Variants in CACNA1G observed in about 807,000 individuals in gnomAD.
CACNA1G encodes voltage-dependent T-type calcium channel subunit alpha-1G.
A neutral mutation model predicts 219.4 loss-of-function variants in CACNA1G; 67 were observed. That is an observed-to-expected ratio of 0.31 (90% confidence interval 0.25 to 0.37). The LOEUF (loss-of-function observed/expected upper bound fraction) is 0.37. Ranked by LOEUF, CACNA1G falls within the 10% of genes least tolerant of loss-of-function variation. CACNA1G has a pLI of 1.00. For synonymous variants in CACNA1G, 1,296 were observed against 1,345.3 expected, an observed-to-expected ratio of 0.96 and a Z score of 0.80; for missense variants, 2,380 against 3,231.4, an observed-to-expected ratio of 0.74 and a Z score of 6.39.
intron 9 of CACNA1G, among the ~76,000 whole-genome samples, chr17:50,587,388 G>A (rs542582131): frequency 2.6e-5 from 4 of 152,282 alleles, no homozygotes; most frequent in South Asian, 2.1e-4. Context: ...GGCCTGTGGT[G>A]GGCACTGCCA....
At chr17:50,588,125 A>G (rs1459828550) in intron 9 of CACNA1G, among the ~76,000 whole-genome samples, 3 of 152,128 alleles carry the variant, frequency 2.0e-5, no homozygotes, top group African/African-American at 4.8e-5. Context: ...TTTGCCCATT[A>G]TAAGCGTACC....
intron 20 of CACNA1G, 56 bp from the exon 21 acceptor site, chr17:50,602,959 G>C (rs1166324326): frequency 6.2e-6 from 10 of 1,610,916 alleles, no homozygotes; most frequent in Non-Finnish European, 8.5e-6. Context: ...GGCTGAGGGT[G>C]GGAGGGTTGG....
At position 50,603,007 on chromosome 17, in the gene CACNA1G, G is replaced by C. The variant is rs1213277341; in HGVS notation, c.3985-8G>C. On this transcript the variant is annotated splice_region_variant and splice_polypyrimidine_tract_variant and intron_variant, in intron 20 of 37. Transcript: ENST00000359106. The surrounding 1 kb of genome is among the most constrained non-coding windows in gnomAD (Gnocchi z 6.4). The stretch of plus-strand genomic sequence containing the variant: ...GAGGGCGGCCGATGACGTGGCGGTG[G>C]TCCCCAGGTGGTGGCACTGGGCTGG... 2 of 1,610,528 alleles carry C rather than the reference G, an allele frequency of 1.2e-6. No homozygotes were observed. The highest frequency in any genetic ancestry group is 4.5e-5 in the East Asian group (2 of 44,772).
In CACNA1G at chr17:50,603,326, C is replaced by G. The variant is rs2047168722; in HGVS notation, c.4169+127C>G. ...AGGCCAGCATCCTGTCTGTGACCCC[C>G]ACAGGCGATCCTGTCCCCGCCCCAG... On this transcript the variant is annotated intron_variant, in intron 21 of 37. Coordinates refer to ENST00000359106, the MANE Select transcript of CACNA1G (RefSeq NM_018896.5). This position sits in a 1 kb window ranked among gnomAD's most constrained non-coding sequence, Gnocchi z 6.4. The G allele has an allele frequency of 1.3e-6, 1 of 785,580 alleles. No homozygotes were observed. The highest frequency in any genetic ancestry group is 2.7e-5 in the East Asian group (1 of 37,042). 48.7% of individuals were successfully genotyped at this position (785,580 alleles called of 1,614,324 possible). A position where few individuals can be genotyped will look rare whatever the true frequency, so the allele number is the denominator to read the frequency against.
At chr17:50,598,900 T>G (rs2079230) in intron 16 of CACNA1G, among the ~76,000 whole-genome samples, 98,416 of 152,028 alleles carry the variant, frequency 0.65, 33,003 homozygotes, top group East Asian at 0.9. Context: ...CTAATTTTTT[T>G]TATTTTTAGT....
chr17:50,599,748 T>C lies in CACNA1G; in HGVS notation c.3579T>C (p.Ala1193=), dbSNP rs756082992. The C allele has an allele frequency of 1.2e-6, 2 of 1,613,680 alleles. No individual in the cohort carries two copies. Among genetic ancestry groups the C allele is most frequent in the African/African-American group, 1.3e-5 (1 of 75,060 alleles). ...GCACTGCCAGTGGCCGAGGGTCTGCTTCTGAGCACCAGGACTGCAATGGCA... is the reference window on the plus strand; with the variant it reads ...GCACTGCCAGTGGCCGAGGGTCTGCCTCTGAGCACCAGGACTGCAATGGCA... The part of the protein sequence containing the change: ...LHRTASGRGS[A]SEHQDCNGKS... Residue 1193 remains alanine, a synonymous_variant, in exon 17 of 38, where the codon GCT becomes GCC. Transcript: ENST00000359106.
intron 6 of CACNA1G, 57 bp downstream of exon 6, chr17:50,572,911 C>T: frequency 1.9e-6 from 3 of 1,588,464 alleles, no homozygotes; most frequent in Non-Finnish European, 2.6e-6. Flanking sequence ...GGACACAGCC[C>T]AGGATCGGAG....
At chr17:50,569,877 T>A (rs1373736656) in intron 4 of CACNA1G, 74 bp downstream of exon 4, 14 of 1,138,214 alleles carry the variant, frequency 1.2e-5, no homozygotes, top group Non-Finnish European at 1.8e-5. Flanking sequence ...ACCCCACCTC[T>A]ACTACTGTGT....
intron 9 of CACNA1G, among the ~76,000 whole-genome samples, chr17:50,581,402 G>C (rs1008779776): frequency 2.6e-5 from 4 of 152,016 alleles, no homozygotes; most frequent in African/African-American, 9.7e-5. Flanking sequence ...GGATGGGGGG[G>C]CGGGCACTGG....
chr17:50,606,600 C>T (rs2048018380), intron 23 of CACNA1G: 3 of 541,014 alleles, frequency 5.5e-6, no homozygotes, highest in African/African-American at 3.8e-5. Flanking sequence ...ATTGCTCGCT[C>T]AGTTTTGATT....
chr17:50,616,213 G>T (rs1340462024), intron 27 of CACNA1G, 62 bp from the exon 28 acceptor site: 1 of 978,660 alleles, frequency 1.0e-6, no homozygotes, highest in Non-Finnish European at 1.6e-6. Context: ...ATGGAGGGGC[G>T]GGGGGACAAG....
At chr17:50,587,166 ATGT>A (rs990746465) in intron 9 of CACNA1G, among the ~76,000 whole-genome samples, 9 of 152,148 alleles carry the variant, frequency 5.9e-5, no homozygotes, top group African/African-American at 2.2e-4. Flanking sequence ...GGTGGGGGCG[ATGT>A]TGTGGAAAAG....
rs771021266 is a variant in CACNA1G at position 50,618,059 on chromosome 17, G to C, written c.5238G>C (p.Leu1746=). The change falls in exon 31 of 38, where the codon CTG becomes CTC. Residue 1746 remains leucine, a synonymous_variant. Coordinates refer to ENST00000359106, the MANE Select transcript of CACNA1G (RefSeq NM_018896.5). The surrounding 1 kb of genome is among the most constrained non-coding windows in gnomAD (Gnocchi z 5.3). ...VMQALPQVGN[L]GLLFMLLFFI... is the part of the protein sequence containing the mutation. ...CTCCTTTTTTCCAGGTGGGGAACCT[G>C]GGACTTCTCTTCATGTTGTTGTTTT... The C allele has an allele frequency of 6.2e-6, 10 of 1,613,806 alleles. No homozygotes were observed. The Middle Eastern group carries it at 5.0e-4, about 80-fold the overall frequency.
rs2144759968 is a variant in CACNA1G, at chr17:50,572,609, C to T, written c.802C>T (p.Pro268Ser). The change falls in exon 6 of 38, where the codon CCC becomes TCC. Residue 268 changes from proline (P) to serine (S), a missense_variant. Coordinates refer to ENST00000359106, the MANE Select transcript of CACNA1G (RefSeq NM_018896.5). ...YYQTENEDES[P>S]FICSQPRENG... is the part of the protein sequence containing the mutation. ...CCAGACAGAGAACGAGGATGAGAGC[C>T]CCTTCATCTGCTCCCAGCCACGCGA... 1 of 1,591,302 alleles carries T rather than the reference C, an allele frequency of 6.3e-7. No homozygotes were observed. The highest frequency in any genetic ancestry group is 8.6e-7 in the Non-Finnish European group (1 of 1,169,250).
chr17:50,617,235 C>T lies in CACNA1G; in HGVS notation c.5022-203C>T, dbSNP rs543272211. The stretch of plus-strand genomic sequence containing the variant: ...AATGAATACAAATGAAAAGCAGAGG[C>T]TTTTGAGCTAAAGTCCTAGTCCTAC... On this transcript the variant is annotated intron_variant, in intron 28 of 37. Coordinates refer to ENST00000359106, the MANE Select transcript of CACNA1G (RefSeq NM_018896.5). The surrounding 1 kb of genome is among the most constrained non-coding windows in gnomAD (Gnocchi z 5.8). Among the ~76,000 whole-genome samples the T allele has an allele frequency of 1.3e-5, 2 of 152,274 alleles. No individual in the cohort carries two copies. The highest frequency in any genetic ancestry group is 3.9e-4 in the East Asian group (2 of 5,176).
rs752531872 is a variant in CACNA1G at position 50,599,809 on chromosome 17, C to G, written c.3640C>G (p.Pro1214Ala). Reference protein sequence around the residue: ...ASGRLARALRPDDPPLDGDDA... With the variant: ...ASGRLARALRADDPPLDGDDA... ...AGGGCGCCTGGCCCGGGCCCTGCGGCCTGATGACCCCCCACTGGATGGGGA... is the reference window on the plus strand; with the variant it reads ...AGGGCGCCTGGCCCGGGCCCTGCGGGCTGATGACCCCCCACTGGATGGGGA... The change falls in exon 17 of 38, where the codon CCT (proline) becomes GCT (alanine). Residue 1214 changes from proline (P) to alanine (A), a missense_variant. Physicochemically the swap from Pro to Ala is conservative, Grantham distance 27 (BLOSUM62 -1). Around this residue, in one of 17 missense-constraint regions of CACNA1G, gnomAD observed 418 missense variants for 434.3 expected, o/e 0.96. Coordinates refer to ENST00000359106, the MANE Select transcript of CACNA1G (RefSeq NM_018896.5). 22 of 1,611,890 alleles carry G rather than the reference C, an allele frequency of 1.4e-5. No homozygotes were observed. The highest frequency in any genetic ancestry group is 2.2e-5 in the East Asian group (1 of 44,872).
chr17:50,591,924 C>T lies in CACNA1G; in HGVS notation c.2755-13C>T. On this transcript the variant is annotated splice_polypyrimidine_tract_variant and intron_variant, in intron 12 of 37. Transcript: ENST00000359106. ...CCCTAGTATAGGCCCTGATTCCTGT[C>T]TTCTGCCCGCAGATCCTGACCCAGG... The T allele has an allele frequency of 6.2e-7, 1 of 1,613,946 alleles. No individual in the cohort carries two copies. The highest frequency in any genetic ancestry group is 1.3e-5 in the African/African-American group (1 of 75,056).
intron 19 of CACNA1G, among the ~76,000 whole-genome samples, chr17:50,601,625 A>G (rs2046651303): frequency 6.6e-6 from 1 of 151,972 alleles, no homozygotes; most frequent in African/African-American, 2.4e-5. Context: ...CATAGTGGGG[A>G]CATGGGTCAC....
Position 50,569,313 on chromosome 17 carries a change from T to G in CACNA1G, c.488+15T>G. 6.2e-7 allele frequency: 1 copy of G among 1,613,098 alleles called. No homozygotes were observed. Among genetic ancestry groups the G allele is most frequent in the Non-Finnish European group, 8.5e-7 (1 of 1,179,708 alleles). On this transcript the variant is annotated intron_variant, in intron 3 of 37. Coordinates refer to ENST00000359106, the MANE Select transcript of CACNA1G (RefSeq NM_018896.5). ...GTCATCGCAGGGTGAGGACCTGGGC[T>G]GGGGTGGGAGAGCAATGGATCAGAT...
Sources: allele counts gnomAD v4.1 joint callset (sites outside exome capture counted in the v4.1 genomes callset), GRCh38; gene constraint gnomAD v4.1.1; regional missense constraint gnomAD v4.1.1; non-coding constraint Gnocchi (gnomAD v3.1); transcripts MANE v1.5; gene names NCBI Gene and HGNC (gene_info 2026-07-23, HGNC 2026-07-21).